The following PTCHD1 variants were observed in gnomAD, a reference collection of about 807,000 sequenced individuals.
The protein encoded by PTCHD1 is patched domain-containing protein 1.
Under a neutral mutation model 34.6 loss-of-function variants are expected in PTCHD1, and 3 were observed. The observed-to-expected ratio is 0.09, with a 90% CI of 0.04 to 0.22. The LOEUF is 0.22. Ranked by LOEUF, PTCHD1 falls within the 10% of genes least tolerant of loss-of-function variation. The pLI is 1.00. For synonymous variants in PTCHD1, 305 were observed against 283.1 expected (o/e 1.08, Z -0.77); for missense variants, 504 against 685.5 (o/e 0.74, Z 2.96).
At chrX:23,359,839 T>C (rs1045683342) in intron 1 of PTCHD1, among the ~76,000 whole-genome samples, 1 of 112,145 alleles carries the variant, frequency 8.9e-6, no homozygotes. Context: ...ACCTACTTTA[T>C]TGAGAGTTTT....
At chrX:23,364,695 C>G in intron 1 of PTCHD1, among the ~76,000 whole-genome samples, 1 of 112,232 alleles carries the variant, frequency 8.9e-6, no homozygotes, top group Non-Finnish European at 1.9e-5. Flanking sequence ...TCAGCTGTCT[C>G]TCCCACACAC....
At chrX:23,351,258 C>A in intron 1 of PTCHD1, 1 of 785,176 alleles carries the variant, frequency 1.3e-6, no homozygotes, top group Non-Finnish European at 1.9e-6. Context: ...CTGCTCTATC[C>A]TCAGTTGACT....
At chrX:23,348,523 CAA>C (rs1013518282) in intron 1 of PTCHD1, among the ~76,000 whole-genome samples, 8 of 110,635 alleles carry the variant, frequency 7.2e-5, no homozygotes, top group Non-Finnish European at 7.6e-5. Flanking sequence ...AAACCAAAGA[CAA>C]AGAGGAAATC....
At chrX:23,375,451 C>A (rs1036307952) in intron 1 of PTCHD1, among the ~76,000 whole-genome samples, 9 of 111,522 alleles carry the variant, frequency 8.1e-5, no homozygotes, top group Admixed American at 7.5e-4. Flanking sequence ...ACCACCACGC[C>A]CGGCTAATTT....
rs529955599 is a variant in PTCHD1, at chrX:23,373,334, T to C, written c.352-6257T>C. Among the ~76,000 whole-genome samples, 7 of 112,717 alleles carry C rather than the reference T, an allele frequency of 6.2e-5. No individual in the cohort carries two copies. In the East Asian group the frequency reaches 1.7e-3, roughly 27 times the overall value. Reference sequence around the variant, plus strand: ...CTATTCAACTCTCCCAGACCTGCACTAGCATTGCATTACTGACAGAGGTAA... The same window carrying C: ...CTATTCAACTCTCCCAGACCTGCACCAGCATTGCATTACTGACAGAGGTAA... On this transcript the variant is annotated intron_variant, in intron 1 of 2. Coordinates refer to ENST00000379361, the MANE Select transcript of PTCHD1 (RefSeq NM_173495.3).
chrX:23,392,978 T>G lies in PTCHD1; in HGVS notation c.1460T>G (p.Leu487Arg). 1 of 1,211,698 alleles carries G rather than the reference T, an allele frequency of 8.3e-7. No individual in the cohort carries two copies. Among genetic ancestry groups the G allele is most frequent in the Non-Finnish European group, 1.1e-6 (1 of 895,115 alleles). The change falls in exon 3 of 3, where the codon CTC becomes CGC. Residue 487 changes from leucine to arginine, a missense_variant. Physicochemically the swap from Leu to Arg is moderately radical, Grantham distance 102 (BLOSUM62 -2). Transcript: ENST00000379361. ...GAGAGTCACCTATTGGTATGTTTCCTCAAACGCTATTACTGTGACTGGATA... is the reference window on the plus strand; with the variant it reads ...GAGAGTCACCTATTGGTATGTTTCCGCAAACGCTATTACTGTGACTGGATA... Reference protein sequence around the residue: ...TYESHLLVCFLKRYYCDWITN... With the variant: ...TYESHLLVCFRKRYYCDWITN...
chrX:23,384,418 G>T (rs149799398), intron 2 of PTCHD1, among the ~76,000 whole-genome samples: 4,916 of 111,902 alleles, frequency 0.044, 113 homozygotes, highest in Non-Finnish European at 0.067. Context: ...AAGGAAGAAA[G>T]AATTAGTGGA....
chrX:23,369,821 A>G lies in PTCHD1; in HGVS notation c.352-9770A>G, dbSNP rs750186861. Reference sequence around the variant, plus strand: ...CTTATACTGGGATTAAGGAGGGCCAACTTTAAACACATACTACCCAGCTGT... The same window carrying G: ...CTTATACTGGGATTAAGGAGGGCCAGCTTTAAACACATACTACCCAGCTGT... On this transcript the variant is annotated intron_variant, in intron 1 of 2. Coordinates refer to ENST00000379361, the MANE Select transcript of PTCHD1 (RefSeq NM_173495.3). Among the ~76,000 whole-genome samples the G allele has an allele frequency of 4.5e-5, 5 of 111,880 alleles. No individual in the cohort carries two copies. In the South Asian group the frequency reaches 1.9e-3, roughly 42 times the overall value.
At chrX:23,364,371 GAC>G (rs200572986) in intron 1 of PTCHD1, among the ~76,000 whole-genome samples, 5,267 of 91,806 alleles carry the variant, frequency 0.057, 200 homozygotes, top group East Asian at 0.13. Context: ...GAAGAGTGTA[GAC>G]ACACACACAC....
intron 2 of PTCHD1, among the ~76,000 whole-genome samples, chrX:23,392,070 C>CTTTTTTTTTTTTT (rs1464413678): frequency 2.8e-4 from 11 of 39,432 alleles, no homozygotes; most frequent in African/African-American, 1.6e-3. Flanking sequence ...TTCTTTCTTT[C>CTTTTTTTTTTTTT]TTTCTTTTTT....
chrX:23,399,935 C>T lies in PTCHD1; in HGVS notation c.*5750C>T, dbSNP rs989649111. The T allele has an allele frequency of 2.0e-4, 22 of 111,708 alleles. No homozygotes were observed. Among genetic ancestry groups the T allele is most frequent in the African/African-American group, 5.9e-4 (18 of 30,712 alleles). The allele number at this position is 111,708 out of a possible 1,213,427, so 9.2% of individuals were successfully genotyped here. A position where few individuals can be genotyped will look rare whatever the true frequency, so the allele number is the denominator to read the frequency against. On this transcript the variant is annotated 3_prime_UTR_variant, in exon 3 of 3. Transcript: ENST00000379361. ...CAAAGCCAACATATAGAAGTGTGCC[C>T]TGTCAAAGAACCAGGAAGAGCAGCC...
At position 23,397,792 on chromosome X, in the gene PTCHD1, C is replaced by G. The variant is rs1923026898; in HGVS notation, c.*3607C>G. ...TGTCAATGACAGAGCTCAGCTGTGT[C>G]CATCACAAGAAAAGGTGGAATGGGC... On this transcript the variant is annotated 3_prime_UTR_variant, in exon 3 of 3. Coordinates refer to ENST00000379361, the MANE Select transcript of PTCHD1 (RefSeq NM_173495.3). The G allele has an allele frequency of 9.0e-6, 1 of 111,250 alleles. No individual in the cohort carries two copies. The highest frequency in any genetic ancestry group is 3.3e-5 in the African/African-American group (1 of 30,537). The allele number at this position is 111,250 out of a possible 1,213,427, so 9.2% of individuals were successfully genotyped here. A position where few individuals can be genotyped will look rare whatever the true frequency, so the allele number is the denominator to read the frequency against.
rs1266399158 is a variant in PTCHD1 at position 23,401,213 on chromosome X, G to C, written c.*7028G>C. ...TTCATTAGGATCAACAAAGTGCTTT[G>C]TCTAATTCCTGCAAAATGGCAAAGA... On this transcript the variant is annotated 3_prime_UTR_variant, in exon 3 of 3. Coordinates refer to ENST00000379361, the MANE Select transcript of PTCHD1 (RefSeq NM_173495.3). 8.9e-6 allele frequency: 1 copy of C among 112,173 alleles called. No homozygotes were observed. Among genetic ancestry groups the C allele is most frequent in the Non-Finnish European group, 1.9e-5 (1 of 53,235 alleles). The allele number at this position is 112,173 out of a possible 1,213,427, so 9.2% of individuals were successfully genotyped here.
intron 2 of PTCHD1, among the ~76,000 whole-genome samples, chrX:23,385,500 G>A (rs1922665572): frequency 9.0e-6 from 1 of 111,268 alleles, no homozygotes; most frequent in African/African-American, 3.3e-5. Flanking sequence ...AGGTTGGGCA[G>A]CAAGAGGCAA....
chrX:23,352,895 C>G (rs1420075803), intron 1 of PTCHD1, among the ~76,000 whole-genome samples: 1 of 111,650 alleles, frequency 9.0e-6, no homozygotes, highest in East Asian at 2.8e-4. Flanking sequence ...TTAACAAGAT[C>G]CTTAGCTGAT....
At chrX:23,388,397 T>C (rs1360995147) in intron 2 of PTCHD1, among the ~76,000 whole-genome samples, 2 of 112,583 alleles carry the variant, frequency 1.8e-5, no homozygotes, top group African/African-American at 6.5e-5. Context: ...TACTTTTGCT[T>C]TTAAAACACC....
chrX:23,384,346 G>A (rs139129101), intron 2 of PTCHD1, among the ~76,000 whole-genome samples: 31 of 112,283 alleles, frequency 2.8e-4, no homozygotes, highest in Admixed American at 4.7e-4. Flanking sequence ...TCAGATGTCA[G>A]ATCCAGGGTG....
intron 1 of PTCHD1, among the ~76,000 whole-genome samples, chrX:23,373,437 T>A (rs889519075): frequency 4.4e-5 from 5 of 112,935 alleles, no homozygotes; most frequent in Middle Eastern, 4.6e-3. Context: ...GGATAGATAG[T>A]CACTTGTTTG....
chrX:23,374,159 T>C (rs1181555090), intron 1 of PTCHD1, among the ~76,000 whole-genome samples: 2 of 108,891 alleles, frequency 1.8e-5, no homozygotes, highest in East Asian at 2.9e-4. Flanking sequence ...ACTCCGAGTC[T>C]TCCCTCACAG....
Sources: gnomAD v4.1 joint callset for allele counts (sites outside exome capture counted in the v4.1 genomes callset) on GRCh38, gnomAD v4.1.1 for gene constraint, MANE v1.5 for transcripts, NCBI Gene and HGNC (gene_info 2026-07-23, HGNC 2026-07-21) for gene names.